COL26A1: variants seen among roughly 807,000 people sequenced by gnomAD.
COL26A1 encodes the protein collagen alpha-1(XXVI) chain.
COL26A1 carries 41 observed loss-of-function variants against 59.3 expected under a neutral mutation model. The ratio of observed to expected loss-of-function variants is 0.69; its 90% confidence interval spans 0.54 to 0.90. The LOEUF (loss-of-function observed/expected upper bound fraction) is 0.90. Ranked by LOEUF, COL26A1 falls within the 40% of genes least tolerant of loss-of-function variation. COL26A1 has a pLI of 0.00. For missense variants in COL26A1, 612 were observed against 602.3 expected (o/e 1.02, Z -0.17); for synonymous variants, 266 against 256.0 (o/e 1.04, Z -0.37).
Position 101,555,776 on chromosome 7 carries a change from C to T in COL26A1, c.1081-11C>T. On this transcript the variant is annotated splice_polypyrimidine_tract_variant and intron_variant, in intron 11 of 12. Coordinates refer to ENST00000313669, the MANE Select transcript of COL26A1 (RefSeq NM_001278563.3). ...GGCCGGCCCTGACCCTGCCTGTTTC[C>T]TCCCCGCCAGGGCGAGGGGGTGCAG... 1.2e-6 allele frequency: 2 copies of T among 1,603,004 alleles called. No homozygotes were observed. The highest frequency in any genetic ancestry group is 8.5e-7 in the Non-Finnish European group (1 of 1,175,812).
At chr7:101,419,194 T>C (rs1336208182) in intron 1 of COL26A1, among the ~76,000 whole-genome samples, 2 of 148,590 alleles carry the variant, frequency 1.3e-5, no homozygotes, top group African/African-American at 4.9e-5. Flanking sequence ...ATAGCCACTA[T>C]GATCCTGGGC....
chr7:101,483,928 C>T (rs1469715823), intron 3 of COL26A1, among the ~76,000 whole-genome samples: 2 of 151,564 alleles, frequency 1.3e-5, no homozygotes, highest in Admixed American at 6.6e-5. Context: ...CCCACTTCGG[C>T]CTCCCAAAGT....
At chr7:101,420,193 C>A in intron 2 of COL26A1, 94 bp downstream of exon 2, 1 of 1,489,096 alleles carries the variant, frequency 6.7e-7, no homozygotes, top group Non-Finnish European at 9.2e-7. Flanking sequence ...CTGGGCTGTG[C>A]TCACAGACAA....
At position 101,553,370 on chromosome 7, in the gene COL26A1, T is replaced by C. The variant is rs1447634952; in HGVS notation, c.1074T>C (p.Thr358=). Residue 358 remains threonine (T), a synonymous_variant, in exon 11 of 13, where the codon ACT becomes ACC. Coordinates refer to ENST00000313669, the MANE Select transcript of COL26A1 (RefSeq NM_001278563.3). ...VKGEEGEKAA[T]AEGEGVQQLR... is the part of the protein sequence containing the mutation. ...GGGAAGAAGGAGAGAAAGCCGCCACTGCAGAGGTAACCATGGCTGCCCTTC... is the reference window on the plus strand; with the variant it reads ...GGGAAGAAGGAGAGAAAGCCGCCACCGCAGAGGTAACCATGGCTGCCCTTC... 22 of 1,613,734 alleles carry C rather than the reference T, an allele frequency of 1.4e-5. No homozygotes were observed. The highest frequency in any genetic ancestry group is 1.8e-5 in the Non-Finnish European group (21 of 1,179,766).
At chr7:101,442,996 C>T (rs764465779) in intron 2 of COL26A1, among the ~76,000 whole-genome samples, 6 of 151,994 alleles carry the variant, frequency 3.9e-5, no homozygotes, top group Non-Finnish European at 7.4e-5. Context: ...TTTGTGCAAG[C>T]GTGTGAAGGT....
At chr7:101,503,805 G>T (rs1794752665) in intron 3 of COL26A1, among the ~76,000 whole-genome samples, 1 of 152,232 alleles carries the variant, frequency 6.6e-6, no homozygotes, top group Non-Finnish European at 1.5e-5. Context: ...CACTGGTCAG[G>T]TTTGTGAGCA....
chr7:101,453,461 C>G (rs1212820734), intron 3 of COL26A1, among the ~76,000 whole-genome samples: 1 of 152,216 alleles, frequency 6.6e-6, no homozygotes, highest in East Asian at 1.9e-4. Context: ...TCACCAGAAA[C>G]ATCTGGAGTT....
At chr7:101,364,288 C>T (rs1790988357) in intron 1 of COL26A1, among the ~76,000 whole-genome samples, 1 of 152,156 alleles carries the variant, frequency 6.6e-6, no homozygotes, top group African/African-American at 2.4e-5. Flanking sequence ...GCTATGACAG[C>T]GCTCTGGAAT....
At chr7:101,431,964 T>TA in intron 2 of COL26A1, among the ~76,000 whole-genome samples, 1 of 105,556 alleles carries the variant, frequency 9.5e-6, no homozygotes, top group Admixed American at 1.1e-4. Flanking sequence ...GCTAATTTTA[T>TA]AATTTTTTTT....
At chr7:101,494,457 A>G (rs1380436269) in intron 3 of COL26A1, among the ~76,000 whole-genome samples, 1 of 152,176 alleles carries the variant, frequency 6.6e-6, no homozygotes, top group East Asian at 1.9e-4. Flanking sequence ...TGTTGTTACT[A>G]CATTCATAAT....
chr7:101,458,356 C>A (rs1793527002), intron 3 of COL26A1, among the ~76,000 whole-genome samples: 1 of 152,128 alleles, frequency 6.6e-6, no homozygotes, highest in Non-Finnish European at 1.5e-5. Flanking sequence ...GTACTTTAGG[C>A]CGGGCACAGT....
chr7:101,488,495 C>T (rs1794318006), intron 3 of COL26A1, among the ~76,000 whole-genome samples: 1 of 149,804 alleles, frequency 6.7e-6, no homozygotes, highest in South Asian at 2.2e-4. Flanking sequence ...CCTGCCTCAG[C>T]CTCCTGAGTA....
chr7:101,389,794 C>T (rs1791683125), intron 1 of COL26A1, among the ~76,000 whole-genome samples: 1 of 152,080 alleles, frequency 6.6e-6, no homozygotes. Flanking sequence ...CTCAGGTGAT[C>T]CGCCCATCTC....
chr7:101,492,108 G>T (rs1278571207), intron 3 of COL26A1, among the ~76,000 whole-genome samples: 1 of 152,132 alleles, frequency 6.6e-6, no homozygotes, highest in Non-Finnish European at 1.5e-5. Context: ...AGAGGAAGCC[G>T]CTGGTAAGCC....
At chr7:101,430,166 C>T (rs1232343237) in intron 2 of COL26A1, among the ~76,000 whole-genome samples, 1 of 152,128 alleles carries the variant, frequency 6.6e-6, no homozygotes, top group Admixed American at 6.6e-5. Flanking sequence ...TTTGGGCATA[C>T]AAATCTTATA....
In COL26A1 at chr7:101,492,706, AT is replaced by A. The variant is rs1301681647; in HGVS notation, c.386-40375del. Among the ~76,000 whole-genome samples the A allele has an allele frequency of 4.4e-4, 19 of 42,736 alleles. No individual in the cohort carries two copies. The African/African-American group carries it at 5.9e-3, about 13-fold the overall frequency. The allele number at this position is 42,736 out of a possible 152,430, so 28.0% of individuals were successfully genotyped here. ...AGCAAGACTCTGTCTCAAAAAATAA[AT>A]AAATAAATAAATAAATAAATAAATA... On this transcript the variant is annotated intron_variant, in intron 3 of 12. Coordinates refer to ENST00000313669, the MANE Select transcript of COL26A1 (RefSeq NM_001278563.3).
intron 3 of COL26A1, among the ~76,000 whole-genome samples, chr7:101,520,662 A>ACACAC (rs915256077): frequency 7.0e-6 from 1 of 143,240 alleles, no homozygotes; most frequent in African/African-American, 2.6e-5. Flanking sequence ...ACACACACAC[A>ACACAC]CCCCCGTGTT....
At chr7:101,466,837 T>TGTGAGAGA (rs764059657) in intron 3 of COL26A1, among the ~76,000 whole-genome samples, 1,931 of 122,622 alleles carry the variant, frequency 0.016, 58 homozygotes, top group African/African-American at 0.054. Flanking sequence ...TGTGTGTGTG[T>TGTGAGAGA]GAGAGAGAGA....
At chr7:101,445,290 A>G (rs902142978) in intron 2 of COL26A1, among the ~76,000 whole-genome samples, 2 of 152,246 alleles carry the variant, frequency 1.3e-5, no homozygotes, top group Non-Finnish European at 2.9e-5. Context: ...TGTTGCTATA[A>G]AGAAATACCG....
Sources: gnomAD v4.1 joint callset for allele counts (sites outside exome capture counted in the v4.1 genomes callset) on GRCh38, gnomAD v4.1.1 for gene constraint, MANE v1.5 for transcripts, NCBI Gene and HGNC (gene_info 2026-07-23, HGNC 2026-07-21) for gene names.